MARK3: variants seen among roughly 807,000 people sequenced by gnomAD.
MARK3 encodes MAP/microtubule affinity-regulating kinase 3.
MARK3 carries 46 observed loss-of-function variants against 90.1 expected under a neutral mutation model. The observed-to-expected ratio is 0.51, with a 90% CI of 0.40 to 0.65. The LOEUF is 0.65. Among genes scored for constraint, MARK3 ranks in the 30% least tolerant of loss-of-function variants. MARK3 has a pLI of 0.00. For missense variants in MARK3, 818 were observed against 947.2 expected, an observed-to-expected ratio of 0.86 and a Z score of 1.79; for synonymous variants, 321 against 332.6, an observed-to-expected ratio of 0.97 and a Z score of 0.38.
chr14:103,499,895 T>G, intron 16 of MARK3: 1 of 471,460 alleles, frequency 2.1e-6, no homozygotes. Flanking sequence ...CGTGCAGCGG[T>G]ATGGCATGCA....
chr14:103,467,906 C>A, intron 11 of MARK3, 127 bp from the exon 12 acceptor site: 2 of 866,358 alleles, frequency 2.3e-6, no homozygotes, highest in Non-Finnish European at 3.4e-6. Flanking sequence ...CATTTTTGTA[C>A]GTTGTGATTC....
In MARK3 at chr14:103,475,046, A is replaced by G; in HGVS notation, c.1318A>G (p.Thr440Ala). The change falls in exon 13 of 18, where the codon ACT becomes GCT. Residue 440 changes from threonine to alanine, a missense_variant. Transcript: ENST00000429436. ...VAYPKRSQTS[T>A]ADSDLKEDGI... ...GTATCCGAAAAGGAGTCAGACCAGC[A>G]CTGCAGATAGTGACCTCAAAGAAGA... 6.2e-7 allele frequency: 1 copy of G among 1,614,224 alleles called. No homozygotes were observed. The highest frequency in any genetic ancestry group is 8.5e-7 in the Non-Finnish European group (1 of 1,180,026).
chr14:103,409,784 G>A (rs2091526141), intron 2 of MARK3, among the ~76,000 whole-genome samples: 1 of 152,074 alleles, frequency 6.6e-6, no homozygotes, highest in Non-Finnish European at 1.5e-5. Flanking sequence ...TAGTCTAAAG[G>A]CAGCATAGTC....
chr14:103,503,278 A>G lies in MARK3; in HGVS notation c.*51A>G, dbSNP rs373595955. 1.2e-5 allele frequency: 16 copies of G among 1,388,950 alleles called. No individual in the cohort carries two copies. The African/African-American group carries it at 1.9e-4, about 16-fold the overall frequency. The allele number at this position is 1,388,950 out of a possible 1,614,324, so 86.0% of individuals were successfully genotyped here. On this transcript the variant is annotated 3_prime_UTR_variant, in exon 18 of 18. Transcript: ENST00000429436. ...TAGCAATTAAAGTGTTTTCCTGAAC[A>G]CTGATGGAAATGTATAGAATAATAT... is the stretch of plus-strand genomic sequence containing the variant.
intron 4 of MARK3, among the ~76,000 whole-genome samples, chr14:103,450,990 G>A (rs2093133348): frequency 1.4e-5 from 2 of 139,592 alleles, no homozygotes; most frequent in African/African-American, 5.4e-5. Flanking sequence ...GAGTGCAGTG[G>A]CATGATCTCA....
Position 103,428,455 on chromosome 14 carries a change from A to T in MARK3, c.297+15A>T. On this transcript the variant is annotated intron_variant, in intron 3 of 17. Coordinates refer to ENST00000429436, the MANE Select transcript of MARK3 (RefSeq NM_001128918.3). ...GTCTACAAAAGGTAAGATTGGTTCAATGTCTAGTACTTTTTAAAAAATTAT... is the reference window on the plus strand; with the variant it reads ...GTCTACAAAAGGTAAGATTGGTTCATTGTCTAGTACTTTTTAAAAAATTAT... The T allele has an allele frequency of 6.8e-7, 1 of 1,480,042 alleles. No individual in the cohort carries two copies. The highest frequency in any genetic ancestry group is 9.2e-7 in the Non-Finnish European group (1 of 1,089,432). The allele number at this position is 1,480,042 out of a possible 1,614,324, so 91.7% of individuals were successfully genotyped here.
At chr14:103,458,028 T>C (rs1038734971) in intron 6 of MARK3, among the ~76,000 whole-genome samples, 3 of 152,174 alleles carry the variant, frequency 2.0e-5, no homozygotes, top group African/African-American at 7.2e-5. Context: ...AAAACTCAGA[T>C]TTGCAATCAT....
chr14:103,406,571 A>G (rs1489424047), intron 2 of MARK3, among the ~76,000 whole-genome samples: 1 of 151,706 alleles, frequency 6.6e-6, no homozygotes, highest in East Asian at 1.9e-4. Flanking sequence ...TGAAACATAT[A>G]TTAGGTGTCT....
chr14:103,473,231 C>T (rs1456793343), intron 12 of MARK3, among the ~76,000 whole-genome samples: 1 of 152,148 alleles, frequency 6.6e-6, no homozygotes, highest in African/African-American at 2.4e-5. Context: ...GGGTAGTCTA[C>T]AGGGTCTTTG....
intron 14 of MARK3, among the ~76,000 whole-genome samples, chr14:103,488,989 C>G (rs2093976115): frequency 6.6e-6 from 1 of 152,216 alleles, no homozygotes; most frequent in African/African-American, 2.4e-5. Context: ...AATACCTGCC[C>G]TGCCAGGCTT....
chr14:103,500,096 G>GC, intron 16 of MARK3, 60 bp from the exon 17 acceptor site: 1 of 1,313,598 alleles, frequency 7.6e-7, no homozygotes, highest in Non-Finnish European at 1.1e-6. Flanking sequence ...TCATGTACTG[G>GC]CATGTAAGAT....
chr14:103,463,952 G>C (rs1486163436), intron 7 of MARK3, among the ~76,000 whole-genome samples: 1 of 152,042 alleles, frequency 6.6e-6, no homozygotes, highest in Non-Finnish European at 1.5e-5. Context: ...AACATACTGT[G>C]TCTCACATGG....
chr14:103,461,187 A>G (rs372479123), intron 6 of MARK3, among the ~76,000 whole-genome samples: 1 of 152,224 alleles, frequency 6.6e-6, no homozygotes, highest in African/African-American at 2.4e-5. Flanking sequence ...TTTTGTGTAT[A>G]TGTAATCATA....
intron 3 of MARK3, among the ~76,000 whole-genome samples, chr14:103,443,017 G>C (rs1411027740): frequency 6.6e-6 from 1 of 151,930 alleles, no homozygotes; most frequent in African/African-American, 2.4e-5. Context: ...CTGCCAGGGG[G>C]AAGGGAGAGA....
intron 7 of MARK3, among the ~76,000 whole-genome samples, chr14:103,463,147 CT>C (rs34014267): frequency 0.35 from 51,617 of 149,150 alleles, 9,388 homozygotes; most frequent in East Asian, 0.5. Context: ...GTCTATATAC[CT>C]TTTTTTTTTT....
chr14:103,483,471 A>T (rs1328430158), intron 14 of MARK3, among the ~76,000 whole-genome samples: 1 of 152,224 alleles, frequency 6.6e-6, no homozygotes, highest in Admixed American at 6.5e-5. Flanking sequence ...AGGATATTTT[A>T]AAGGCTTACT....
intron 1 of MARK3, among the ~76,000 whole-genome samples, chr14:103,397,256 C>T (rs1422306810): frequency 1.3e-5 from 2 of 151,834 alleles, no homozygotes; most frequent in Admixed American, 1.3e-4. Context: ...TGACACCACA[C>T]TTTTCTGTTT....
chr14:103,482,905 T>G (rs953218304), intron 14 of MARK3, among the ~76,000 whole-genome samples: 1 of 152,230 alleles, frequency 6.6e-6, no homozygotes, highest in African/African-American at 2.4e-5. Flanking sequence ...ATTGAAATAC[T>G]TTGCTTCTGA....
intron 17 of MARK3, among the ~76,000 whole-genome samples, chr14:103,501,970 C>T (rs2075692290): frequency 1.3e-5 from 2 of 152,182 alleles, no homozygotes; most frequent in Admixed American, 6.5e-5. Context: ...ATGGAGTGTA[C>T]TTAAGGTACA....
Sources: allele counts gnomAD v4.1 joint callset (sites outside exome capture counted in the v4.1 genomes callset), GRCh38; gene constraint gnomAD v4.1.1; transcripts MANE v1.5; gene names NCBI Gene and HGNC (gene_info 2026-07-23, HGNC 2026-07-21).